Variants in DGCR2 observed in about 807,000 individuals in gnomAD.
DGCR2 encodes integral membrane protein DGCR2/IDD.
Under a neutral mutation model 51.6 loss-of-function variants are expected in DGCR2, and 24 were observed. That is an observed-to-expected ratio of 0.47 (90% CI 0.34 to 0.65). The LOEUF (loss-of-function observed/expected upper bound fraction) is 0.65. Among genes scored for constraint, DGCR2 ranks in the 30% least tolerant of loss-of-function variants. The pLI is 0.01. For missense variants in DGCR2, 765 were observed against 772.1 expected (o/e 0.99, Z 0.11); for synonymous variants, 340 against 315.4 (o/e 1.08, Z -0.82).
At chr22:19,054,559 C>A (rs890718854) in intron 6 of DGCR2, among the ~76,000 whole-genome samples, 1 of 152,148 alleles carries the variant, frequency 6.6e-6, no homozygotes, top group South Asian at 2.1e-4. Context: ...AAAATGTTTG[C>A]CAACTCATTT....
Position 19,041,058 on chromosome 22 carries a change from C to T in DGCR2, c.1396G>A (p.Asp466Asn). ...TCCCTCTCCCTGGGGAGTCAGGCAC[C>T]TGCAGGGTCATAGAACACACTGTCC... The part of the protein sequence containing the change: ...HPDSVFYDPA[D>N]DDAFEPVEVS... The change falls in exon 9 of 10, where the codon GAC becomes AAC. Residue 466 changes from aspartate (D) to asparagine (N), a missense_variant and splice_region_variant. By Grantham distance (23) the Asp-to-Asn change is conservative. Around this residue, in one of 3 missense-constraint regions of DGCR2, gnomAD observed 205 missense variants for 181.4 expected, o/e 1.13. Coordinates refer to ENST00000263196, the MANE Select transcript of DGCR2 (RefSeq NM_005137.3). 6.3e-7 allele frequency: 1 copy of T among 1,585,868 alleles called. No individual in the cohort carries two copies. Among genetic ancestry groups the T allele is most frequent in the Non-Finnish European group, 8.6e-7 (1 of 1,161,920 alleles).
chr22:19,079,686 T>G (rs2082915208), intron 2 of DGCR2, among the ~76,000 whole-genome samples: 2 of 152,256 alleles, frequency 1.3e-5, no homozygotes, highest in Admixed American at 1.3e-4. Context: ...TATTATTTTC[T>G]CCATTTTATG....
rs2083003416 is a variant in DGCR2 at position 19,085,368 on chromosome 22, GAC to G, written c.202+3998_202+3999del. Among the ~76,000 whole-genome samples, 3 of 152,222 alleles carry G rather than the reference GAC, an allele frequency of 2.0e-5. No homozygotes were observed. In the South Asian group the frequency reaches 6.2e-4, roughly 31 times the overall value. ...TACTGCAGCTGCTCTGCAGCCCTGA[GAC>G]AGCTGGCCAGTGGGGGAAGGCAGAA... is the stretch of plus-strand genomic sequence containing the variant. On this transcript the variant is annotated intron_variant, in intron 2 of 9. Transcript: ENST00000263196.
rs1325669236 is a variant in DGCR2 at position 19,039,020 on chromosome 22, C to A, written c.1498G>T (p.Ala500Ser). The stretch of plus-strand genomic sequence containing the variant: ...TCCAGGTCTGCCAGAGAGGCCCCCG[C>A]AGTGGGCAGAGGCTGCTCCAGGCGC... The part of the protein sequence containing the change: ...LRRLEQPLPT[A>S]GASLADLEDS... Residue 500 changes from alanine (A) to serine (S), a missense_variant, in exon 10 of 10, where the codon GCG (alanine) becomes TCG (serine). This residue lies in a region of DGCR2 where 205 missense variants were observed against 181.4 expected (regional missense o/e 1.13). Coordinates refer to ENST00000263196, the MANE Select transcript of DGCR2 (RefSeq NM_005137.3). 1.9e-6 allele frequency: 3 copies of A among 1,612,614 alleles called. No individual in the cohort carries two copies. In the Admixed American group the frequency reaches 5.0e-5, roughly 27 times the overall value.
Position 19,057,103 on chromosome 22 carries a change from C to G in DGCR2, c.685G>C (p.Asp229His), listed in dbSNP as rs764596345. 1.4e-5 allele frequency: 23 copies of G among 1,607,336 alleles called. No homozygotes were observed. The highest frequency in any genetic ancestry group is 1.9e-5 in the Non-Finnish European group (22 of 1,177,056). The change falls in exon 6 of 10, where the codon GAC becomes CAC. Residue 229 changes from aspartate (D) to histidine (H), a missense_variant. Transcript: ENST00000263196. This position sits in a 1 kb window ranked among gnomAD's most constrained non-coding sequence, Gnocchi z 5.1. Reference protein sequence around the residue: ...PIFASAMSENDNVFCAQLQCF... With the variant: ...PIFASAMSENHNVFCAQLQCF... ...TGAAGCTGGGCACAGAACACGTTGT[C>G]GTTCTCAGACATGGCCGAGGCAAAG...
intron 2 of DGCR2, among the ~76,000 whole-genome samples, chr22:19,074,097 A>C (rs536391306): frequency 2.0e-5 from 3 of 152,220 alleles, no homozygotes; most frequent in Non-Finnish European, 4.4e-5. Flanking sequence ...TACAGGATTC[A>C]CACCAAATTG....
At chr22:19,118,601 C>A (rs751743441) in intron 1 of DGCR2, among the ~76,000 whole-genome samples, 15 of 152,088 alleles carry the variant, frequency 9.9e-5, no homozygotes, top group Non-Finnish European at 1.9e-4. Flanking sequence ...GCTAGCTGTA[C>A]CAACAATAGA....
intron 2 of DGCR2, among the ~76,000 whole-genome samples, chr22:19,079,324 C>G (rs2082911926): frequency 6.6e-6 from 1 of 152,142 alleles, no homozygotes; most frequent in Non-Finnish European, 1.5e-5. Flanking sequence ...ATCCAAAACA[C>G]TTCTGGTCCC....
intron 5 of DGCR2, among the ~76,000 whole-genome samples, chr22:19,062,378 G>A (rs2082673892): frequency 6.6e-6 from 1 of 152,112 alleles, no homozygotes; most frequent in South Asian, 2.1e-4. Context: ...CTTTTCTCCA[G>A]GGAAGCCGGC....
chr22:19,041,723 T>C (rs991321487), intron 8 of DGCR2, 84 bp downstream of exon 8: 34 of 1,488,538 alleles, frequency 2.3e-5, no homozygotes, highest in Non-Finnish European at 2.9e-5. Context: ...CCCCTCTCTG[T>C]CCAGGGCTGG....
intron 3 of DGCR2, among the ~76,000 whole-genome samples, chr22:19,067,008 C>T (rs2082757211): frequency 6.6e-6 from 1 of 152,228 alleles, no homozygotes; most frequent in African/African-American, 2.4e-5. Context: ...CAAAGTGCAT[C>T]ACCAGGACAT....
At chr22:19,073,585 A>C (rs2082840455) in intron 2 of DGCR2, among the ~76,000 whole-genome samples, 1 of 152,220 alleles carries the variant, frequency 6.6e-6, no homozygotes, top group Non-Finnish European at 1.5e-5. Context: ...TCCAGGAAGA[A>C]AACAAGTTAT....
intron 5 of DGCR2, among the ~76,000 whole-genome samples, chr22:19,062,469 C>T (rs1466535516): frequency 6.6e-6 from 1 of 152,196 alleles, no homozygotes; most frequent in Non-Finnish European, 1.5e-5. Context: ...CTTAAGACAT[C>T]AACAGCAGGA....
chr22:19,063,381 A>G (rs1230629491), intron 4 of DGCR2, 103 bp from the exon 5 acceptor site: 3 of 1,081,334 alleles, frequency 2.8e-6, no homozygotes, highest in Non-Finnish European at 4.1e-6. Flanking sequence ...TCGCTCTGTC[A>G]CCAGGATGGA....
intron 1 of DGCR2, among the ~76,000 whole-genome samples, chr22:19,120,770 A>G (rs184455628): frequency 6.6e-6 from 1 of 152,316 alleles, no homozygotes; most frequent in Non-Finnish European, 1.5e-5. Flanking sequence ...AAAGAAGTTA[A>G]TCACAAGAAT....
In DGCR2 at chr22:19,063,194, G is replaced by A; in HGVS notation, c.625+8C>T. On this transcript the variant is annotated splice_region_variant and intron_variant, in intron 5 of 9. Coordinates refer to ENST00000263196, the MANE Select transcript of DGCR2 (RefSeq NM_005137.3). ...CTTCAAACACTCCCACACACCAGAA[G>A]GGCTCACCTTTGAATGCCACCTCCC... 5 of 1,613,916 alleles carry A rather than the reference G, an allele frequency of 3.1e-6. No homozygotes were observed. The highest frequency in any genetic ancestry group is 4.2e-6 in the Non-Finnish European group (5 of 1,179,794).
intron 1 of DGCR2, among the ~76,000 whole-genome samples, chr22:19,118,029 C>G (rs902240757): frequency 2.0e-5 from 3 of 152,196 alleles, no homozygotes; most frequent in Non-Finnish European, 4.4e-5. Flanking sequence ...AATATGCACT[C>G]TCTCCCTATG....
At chr22:19,053,986 C>G (rs1177624009) in intron 6 of DGCR2, among the ~76,000 whole-genome samples, 2 of 152,088 alleles carry the variant, frequency 1.3e-5, no homozygotes, top group East Asian at 3.8e-4. Flanking sequence ...GAGGACAGGT[C>G]AACAGAAATT....
intron 6 of DGCR2, among the ~76,000 whole-genome samples, chr22:19,055,292 G>C (rs1004465140): frequency 2.6e-5 from 4 of 151,892 alleles, no homozygotes; most frequent in Admixed American, 2.0e-4. Flanking sequence ...TCCACTAAAA[G>C]CATTTAATAA....
Sources: gnomAD v4.1 joint callset for allele counts (sites outside exome capture counted in the v4.1 genomes callset) on GRCh38, gnomAD v4.1.1 for gene constraint, gnomAD v4.1.1 regional missense constraint, Gnocchi (gnomAD v3.1) non-coding constraint, MANE v1.5 for transcripts, NCBI Gene and HGNC (gene_info 2026-07-23, HGNC 2026-07-21) for gene names.